Variants in PCDHGA9 observed in about 807,000 individuals in gnomAD.
The protein encoded by PCDHGA9 is protocadherin gamma-A9.
Under a neutral mutation model 62.5 loss-of-function variants are expected in PCDHGA9, and 37 were observed. That is an observed-to-expected ratio of 0.59 (90% CI 0.46 to 0.78). PCDHGA9 has a LOEUF of 0.78. PCDHGA9 is among the 30% of genes least tolerant of loss of function. PCDHGA9 has a pLI of 0.00. For synonymous variants in PCDHGA9, 459 were observed against 484.6 expected (o/e 0.95, Z 0.69); for missense variants, 1,138 against 1,166.2 (o/e 0.98, Z 0.35).
chr5:141,507,632 G>A (rs551849213), intron 3 of PCDHGA9, among the ~76,000 whole-genome samples: 6 of 152,360 alleles, frequency 3.9e-5, no homozygotes, highest in Non-Finnish European at 7.3e-5. Flanking sequence ...GTGGCCTTGC[G>A]CCCTGAGGCC....
chr5:141,501,030 A>G (rs2099805050), intron 2 of PCDHGA9, among the ~76,000 whole-genome samples: 1 of 151,848 alleles, frequency 6.6e-6, no homozygotes, highest in Admixed American at 6.6e-5. Flanking sequence ...CACCACGCCC[A>G]GCTAATTTTT....
intron 1 of PCDHGA9, chr5:141,423,397 C>A: frequency 1.9e-6 from 3 of 1,614,146 alleles, no homozygotes; most frequent in Non-Finnish European, 2.5e-6. Context: ...GCATAAGTCA[C>A]GCCTGCTGCA....
chr5:141,413,298 G>A (rs1672233901), intron 1 of PCDHGA9: 3 of 1,613,950 alleles, frequency 1.9e-6, no homozygotes, highest in Non-Finnish European at 2.5e-6. Context: ...CAATTCCTGA[G>A]GAATTAGAGA....
At chr5:141,419,548 G>C in intron 1 of PCDHGA9, 1 of 1,611,976 alleles carries the variant, frequency 6.2e-7, no homozygotes, top group Non-Finnish European at 8.5e-7. Context: ...CGCGGGTGCT[G>C]TACCCTGCGC....
chr5:141,490,890 G>C lies in PCDHGA9; in HGVS notation c.2425-3917G>C, dbSNP rs751713801. The C allele has an allele frequency of 9.9e-6, 16 of 1,613,306 alleles. No homozygotes were observed. The South Asian group carries it at 1.2e-4, about 12-fold the overall frequency. On this transcript the variant is annotated intron_variant, in intron 1 of 3. Transcript: ENST00000573521. This position sits in a 1 kb window ranked among gnomAD's most constrained non-coding sequence, Gnocchi z 5.4. ...CCCCATTGCATGCCAACACATCTCT[G>C]CATGTGTTTGTCCTAGACGAGAATG...
At position 141,402,944 on chromosome 5, in the gene PCDHGA9, G is replaced by C. The variant is rs1487270083; in HGVS notation, c.-9G>C. The C allele has an allele frequency of 2.5e-6, 4 of 1,592,136 alleles. No individual in the cohort carries two copies. Among genetic ancestry groups the C allele is most frequent in the African/African-American group, 1.3e-5 (1 of 74,074 alleles). On this transcript the variant is annotated 5_prime_UTR_variant, in exon 1 of 4. Coordinates refer to ENST00000573521, the MANE Select transcript of PCDHGA9 (RefSeq NM_018921.3). ...GATCCTTTTGAGAAAATTCCAAAGC[G>C]AGGCAGCAATGGCAGCTCCAACCAA...
chr5:141,501,164 G>C (rs991995325), intron 2 of PCDHGA9, among the ~76,000 whole-genome samples: 32 of 152,144 alleles, frequency 2.1e-4, no homozygotes, highest in African/African-American at 7.7e-4. Context: ...ACCATCCCCA[G>C]CCTCATTTAC....
Position 141,432,046 on chromosome 5 carries a change from C to G in PCDHGA9, c.2424+26670C>G, listed in dbSNP as rs1389286417. The G allele has an allele frequency of 6.2e-7, 1 of 1,614,224 alleles. No individual in the cohort carries two copies. The highest frequency in any genetic ancestry group is 2.2e-5 in the East Asian group (1 of 44,886). The stretch of plus-strand genomic sequence containing the variant: ...CAGTGACCGCCACTGACCGGGGAAC[C>G]CCGCCCCTATCCACGGAAACTCATA... On this transcript the variant is annotated intron_variant, in intron 1 of 3. Coordinates refer to ENST00000573521, the MANE Select transcript of PCDHGA9 (RefSeq NM_018921.3). This position sits in a 1 kb window ranked among gnomAD's most constrained non-coding sequence, Gnocchi z 6.0.
At chr5:141,502,441 GAT>G (rs2099814262) in intron 2 of PCDHGA9, among the ~76,000 whole-genome samples, 1 of 152,000 alleles carries the variant, frequency 6.6e-6, no homozygotes, top group Non-Finnish European at 1.5e-5. Flanking sequence ...GTTAGATTCA[GAT>G]TACACACCTT....
At chr5:141,452,912 A>T (rs1301567203) in intron 1 of PCDHGA9, among the ~76,000 whole-genome samples, 1 of 152,228 alleles carries the variant, frequency 6.6e-6, no homozygotes, top group African/African-American at 2.4e-5. Flanking sequence ...GGCATTATAC[A>T]GTAAGAAAGA....
At chr5:141,425,745 G>A (rs776065455) in intron 1 of PCDHGA9, among the ~76,000 whole-genome samples, 26 of 152,100 alleles carry the variant, frequency 1.7e-4, no homozygotes, top group Non-Finnish European at 2.9e-4. Flanking sequence ...TTCCCACAAG[G>A]TTTTTGTTCT....
chr5:141,468,950 T>TG (rs752125489), intron 1 of PCDHGA9, among the ~76,000 whole-genome samples: 34 of 140,680 alleles, frequency 2.4e-4, no homozygotes, highest in African/African-American at 4.9e-4. Context: ...GGTAAACCTG[T>TG]GGTTTTTTTT....
intron 1 of PCDHGA9, among the ~76,000 whole-genome samples, chr5:141,438,587 CATACATATATATATATATATATATATAT>C (rs1267620600): frequency 1.4e-5 from 1 of 73,428 alleles, no homozygotes; most frequent in Non-Finnish European, 2.6e-5. Context: ...TACATACATA[CATACATATATATATATATATATATATAT>C]ATATATATAT....
At position 141,476,161 on chromosome 5, in the gene PCDHGA9, G is replaced by A. The variant is rs748660112; in HGVS notation, c.2425-18646G>A. 21 of 1,613,012 alleles carry A rather than the reference G, an allele frequency of 1.3e-5. No homozygotes were observed. Among genetic ancestry groups the A allele is most frequent in the Non-Finnish European group, 1.8e-5 (21 of 1,179,922 alleles). On this transcript the variant is annotated intron_variant, in intron 1 of 3. Transcript: ENST00000573521. The surrounding 1 kb of genome is among the most constrained non-coding windows in gnomAD (Gnocchi z 7.6). ...GGAGCGGACTGGTAAGCACCGGGAG[G>A]GTAGTGGGAGTTTTGCTTCTGCTTG... is the stretch of plus-strand genomic sequence containing the variant.
Position 141,490,835 on chromosome 5 carries a change from T to C in PCDHGA9, c.2425-3972T>C, listed in dbSNP as rs1284804400. 4 of 1,613,728 alleles carry C rather than the reference T, an allele frequency of 2.5e-6. No individual in the cohort carries two copies. The highest frequency in any genetic ancestry group is 1.1e-5 in the South Asian group (1 of 91,076). On this transcript the variant is annotated intron_variant, in intron 1 of 3. Transcript: ENST00000573521. This position sits in a 1 kb window ranked among gnomAD's most constrained non-coding sequence, Gnocchi z 5.4. ...TATGAATTGCTGCAGATGCTGCAGATTGTGGTGGGGGTTCGAGACTCCGGC... is the reference window on the plus strand; with the variant it reads ...TATGAATTGCTGCAGATGCTGCAGACTGTGGTGGGGGTTCGAGACTCCGGC...
At position 141,487,270 on chromosome 5, in the gene PCDHGA9, A is replaced by T. The variant is rs777469322; in HGVS notation, c.2425-7537A>T. 6.2e-7 allele frequency: 1 copy of T among 1,614,046 alleles called. No homozygotes were observed. Among genetic ancestry groups the T allele is most frequent in the South Asian group, 1.1e-5 (1 of 91,076 alleles). On this transcript the variant is annotated intron_variant, in intron 1 of 3. Transcript: ENST00000573521. The surrounding 1 kb of genome is among the most constrained non-coding windows in gnomAD (Gnocchi z 5.0). ...TCTACTTGGCTGTGTCCCTAGTGGC[A>T]ATTTGCTTTGTCTCCTTTGGCTCAT... is the stretch of plus-strand genomic sequence containing the variant.
intron 1 of PCDHGA9, among the ~76,000 whole-genome samples, chr5:141,437,771 A>G (rs971065583): frequency 7.9e-5 from 12 of 151,238 alleles, no homozygotes; most frequent in Admixed American, 6.6e-5. Context: ...CAGAGTCTCA[A>G]TCTGTCGCCA....
At chr5:141,495,269 CGGAGGAGGCG>C (rs2099759953) in intron 2 of PCDHGA9, among the ~76,000 whole-genome samples, 1 of 152,180 alleles carries the variant, frequency 6.6e-6, no homozygotes, top group Non-Finnish European at 1.5e-5. Context: ...AGCATTTGAC[CGGAGGAGGCG>C]GTCCGCACTC....
intron 1 of PCDHGA9, chr5:141,423,496 G>A (rs1049120602): frequency 1.2e-6 from 2 of 1,613,804 alleles, no homozygotes; most frequent in African/African-American, 1.3e-5. Flanking sequence ...CTATTCCCAC[G>A]AGGTCTCTCT....
Sources: allele counts gnomAD v4.1 joint callset (sites outside exome capture counted in the v4.1 genomes callset), GRCh38; gene constraint gnomAD v4.1.1; non-coding constraint Gnocchi (gnomAD v3.1); transcripts MANE v1.5; gene names NCBI Gene and HGNC (gene_info 2026-07-23, HGNC 2026-07-21).